NRSN1: variants seen among roughly 807,000 people sequenced by gnomAD.
NRSN1 encodes neurensin 1.
NRSN1 carries 14 observed loss-of-function variants against 17.3 expected under a neutral mutation model. The observed-to-expected ratio is 0.81, with a 90% CI of 0.54 to 1.27. NRSN1 has a LOEUF of 1.27. NRSN1 is among the 50% of genes most tolerant of loss of function. NRSN1 has a pLI of 0.00. For missense variants in NRSN1, 209 were observed against 235.9 expected (o/e 0.89, Z 0.75); for synonymous variants, 79 against 94.2 (o/e 0.84, Z 0.93).
intron 3 of NRSN1, chr6:24,140,940 A>G: frequency 7.5e-7 from 1 of 1,327,308 alleles, no homozygotes; most frequent in South Asian, 2.4e-5. Context: ...CTGGGTTTTC[A>G]CACATCCTCC....
intron 2 of NRSN1, among the ~76,000 whole-genome samples, chr6:24,133,160 C>G (rs1760064108): frequency 6.6e-6 from 1 of 152,082 alleles, no homozygotes; most frequent in African/African-American, 2.4e-5. Flanking sequence ...CCCAAAACAA[C>G]CTGCCTAGGA....
intron 3 of NRSN1, among the ~76,000 whole-genome samples, chr6:24,134,819 G>A (rs530716892): frequency 6.6e-6 from 1 of 152,094 alleles, no homozygotes; most frequent in Non-Finnish European, 1.5e-5. Flanking sequence ...GCCATCCATA[G>A]GCAAAACATT....
chr6:24,142,698 C>T (rs967576872), intron 3 of NRSN1, among the ~76,000 whole-genome samples: 23 of 152,062 alleles, frequency 1.5e-4, no homozygotes, highest in African/African-American at 5.3e-4. Context: ...AGTGGTTCCT[C>T]CCGGTGGATT....
At chr6:24,128,672 T>C (rs1759987341) in intron 2 of NRSN1, 1 of 152,216 alleles carries the variant, frequency 6.6e-6, no homozygotes, top group Admixed American at 6.5e-5. Context: ...TGGTGTTGAA[T>C]AAGTGGTCTA....
intron 3 of NRSN1, among the ~76,000 whole-genome samples, chr6:24,139,380 G>A (rs1273450847): frequency 6.6e-6 from 1 of 152,184 alleles, no homozygotes; most frequent in East Asian, 1.9e-4. Flanking sequence ...TATAATAATG[G>A]CCCGCACCAT....
intron 1 of NRSN1, among the ~76,000 whole-genome samples, chr6:24,127,653 C>T (rs1446099044): frequency 2.6e-5 from 4 of 151,886 alleles, no homozygotes; most frequent in South Asian, 2.1e-4. Flanking sequence ...AAGAGCCTTA[C>T]GAAGTGTAAA....
chr6:24,142,842 G>A (rs1385083592), intron 3 of NRSN1, among the ~76,000 whole-genome samples: 1 of 152,156 alleles, frequency 6.6e-6, no homozygotes, highest in African/African-American at 2.4e-5. Flanking sequence ...GCTTCCACAG[G>A]GTGGAAAGAG....
chr6:24,132,117 A>T (rs1760042753), intron 2 of NRSN1, among the ~76,000 whole-genome samples: 1 of 152,196 alleles, frequency 6.6e-6, no homozygotes, highest in South Asian at 2.1e-4. Context: ...GTCATCATTA[A>T]TAGCACCATT....
intron 1 of NRSN1, among the ~76,000 whole-genome samples, chr6:24,126,963 AC>A (rs1479470801): frequency 6.6e-6 from 1 of 152,206 alleles, no homozygotes; most frequent in Non-Finnish European, 1.5e-5. Flanking sequence ...TGTTTTCAGA[AC>A]CTTGGAGAGC....
At chr6:24,126,716 G>C (rs1759954600) in intron 1 of NRSN1, among the ~76,000 whole-genome samples, 1 of 150,430 alleles carries the variant, frequency 6.6e-6, no homozygotes, top group African/African-American at 2.4e-5. Context: ...TGTATCTAGA[G>C]TTTGCAAAGT....
Position 24,145,770 on chromosome 6 carries a change from G to A in NRSN1, c.412G>A (p.Val138Met), listed in dbSNP as rs1478172729. ...CATGGCAGGGTGCCTGCTGATGTCG[G>A]TGTTTGTAAAGAGCTACTCCAAAGA... ...TSMAGCLLMS[V>M]FVKSYSKEEK... The change falls in exon 4 of 4, where the codon GTG (valine) becomes ATG (methionine). Residue 138 changes from valine to methionine, a missense_variant. Val to Met is a conservative substitution (Grantham distance 21). Coordinates refer to ENST00000378491, the MANE Select transcript of NRSN1 (RefSeq NM_080723.5). The surrounding 1 kb of genome is among the most constrained non-coding windows in gnomAD (Gnocchi z 4.4). 2 of 1,614,200 alleles carry A rather than the reference G, an allele frequency of 1.2e-6. No individual in the cohort carries two copies. The highest frequency in any genetic ancestry group is 1.3e-5 in the African/African-American group (1 of 75,054).
At position 24,145,879 on chromosome 6, in the gene NRSN1, C is replaced by A; in HGVS notation, c.521C>A (p.Pro174Gln). ...HTQPVTKAPGPGETKIPVTLS... is the reference protein window; with the variant it reads ...HTQPVTKAPGQGETKIPVTLS... Reference sequence around the variant, plus strand: ...CAGCCGGTTACAAAAGCTCCAGGGCCAGGGGAAACAAAGATTCCAGTCACT... The same window carrying A: ...CAGCCGGTTACAAAAGCTCCAGGGCAAGGGGAAACAAAGATTCCAGTCACT... Residue 174 changes from proline to glutamine, a missense_variant, in exon 4 of 4, where the codon CCA becomes CAA. Coordinates refer to ENST00000378491, the MANE Select transcript of NRSN1 (RefSeq NM_080723.5). The surrounding 1 kb of genome is among the most constrained non-coding windows in gnomAD (Gnocchi z 4.4). 1 of 1,614,082 alleles carries A rather than the reference C, an allele frequency of 6.2e-7. No individual in the cohort carries two copies. The highest frequency in any genetic ancestry group is 8.5e-7 in the Non-Finnish European group (1 of 1,180,006).
intron 2 of NRSN1, among the ~76,000 whole-genome samples, chr6:24,130,232 A>G (rs1760007498): frequency 6.6e-6 from 1 of 152,210 alleles, no homozygotes; most frequent in Non-Finnish European, 1.5e-5. Flanking sequence ...AGTAAATAAT[A>G]AGCCAAAGTA....
rs1201593413 is a variant in NRSN1, at chr6:24,134,356, C to A, written c.29C>A (p.Ser10Tyr). 6.2e-7 allele frequency: 1 copy of A among 1,613,910 alleles called. No homozygotes were observed. Among genetic ancestry groups the A allele is most frequent in the African/African-American group, 1.3e-5 (1 of 74,890 alleles). ...AGTTCTTGCAGCAACGTCTGTGGGT[C>A]CAGGCAGGCACAGGCTGCAGCTGAG... MSSCSNVCG[S>Y]RQAQAAAEGG... The change falls in exon 3 of 4, where the codon TCC becomes TAC. Residue 10 changes from serine (S) to tyrosine (Y), a missense_variant. Physicochemically the swap from Ser to Tyr is moderately radical, Grantham distance 144. Transcript: ENST00000378491.
intron 3 of NRSN1, among the ~76,000 whole-genome samples, chr6:24,136,496 A>T (rs1462009887): frequency 6.6e-6 from 1 of 152,058 alleles, no homozygotes; most frequent in Admixed American, 6.5e-5. Flanking sequence ...CAAGCTTGGC[A>T]CATCTTGTAT....
At chr6:24,138,043 C>T (rs1760143742) in intron 3 of NRSN1, among the ~76,000 whole-genome samples, 1 of 152,122 alleles carries the variant, frequency 6.6e-6, no homozygotes, top group South Asian at 2.1e-4. Context: ...ATACAAAAGC[C>T]AGTTCACAGA....
At chr6:24,139,302 C>A (rs1760165148) in intron 3 of NRSN1, among the ~76,000 whole-genome samples, 2 of 152,158 alleles carry the variant, frequency 1.3e-5, no homozygotes, top group Admixed American at 6.5e-5. Flanking sequence ...TAAAAGATTT[C>A]TCAGATTGCC....
At chr6:24,142,191 C>T (rs976609377) in intron 3 of NRSN1, among the ~76,000 whole-genome samples, 81 of 44,434 alleles carry the variant, frequency 1.8e-3, no homozygotes, top group South Asian at 3.3e-3. Context: ...TACAGAACAG[C>T]TTTTTTTTTT....
Position 24,146,477 on chromosome 6 carries a change from A to G in NRSN1, c.*531A>G. The stretch of plus-strand genomic sequence containing the variant: ...ACATGAGGTTCCTGACATTGGATAC[A>G]AAGTTATCAGCATTCACAAATCTTT... On this transcript the variant is annotated 3_prime_UTR_variant, in exon 4 of 4. Transcript: ENST00000378491. The G allele has an allele frequency of 5.7e-6, 2 of 348,296 alleles. No individual in the cohort carries two copies. The highest frequency in any genetic ancestry group is 1.1e-5 in the Non-Finnish European group (2 of 176,582). 21.6% of individuals were successfully genotyped at this position (348,296 alleles called of 1,614,324 possible).
Sources: allele counts gnomAD v4.1 joint callset (sites outside exome capture counted in the v4.1 genomes callset), GRCh38; gene constraint gnomAD v4.1.1; non-coding constraint Gnocchi (gnomAD v3.1); transcripts MANE v1.5; gene names NCBI Gene and HGNC (gene_info 2026-07-23, HGNC 2026-07-21).